Variants in LDLRAD4 observed in about 807,000 individuals in gnomAD.
The protein encoded by LDLRAD4 is low density lipoprotein receptor class A domain containing 4.
A neutral mutation model predicts 17.0 loss-of-function variants in LDLRAD4; 5 were observed. That is an observed-to-expected ratio of 0.29 (90% CI 0.15 to 0.62). The LOEUF is 0.62. LDLRAD4 is among the 20% of genes least tolerant of loss of function. LDLRAD4 has a pLI of 0.84. For synonymous variants in LDLRAD4, 168 were observed against 171.8 expected, an observed-to-expected ratio of 0.98 and a Z score of 0.17; for missense variants, 340 against 424.7, an observed-to-expected ratio of 0.80 and a Z score of 1.75.
intron 2 of LDLRAD4, among the ~76,000 whole-genome samples, chr18:13,410,552 T>A (rs17681958): frequency 0.46 from 70,594 of 152,088 alleles, 17,932 homozygotes; most frequent in Non-Finnish European, 0.57. Flanking sequence ...GTTTTGCTAT[T>A]GTTTACACAG....
intron 3 of LDLRAD4, among the ~76,000 whole-genome samples, chr18:13,509,775 G>A (rs898576047): frequency 2.0e-5 from 3 of 152,298 alleles, no homozygotes; most frequent in Non-Finnish European, 4.4e-5. Context: ...ACTCTTCATT[G>A]TTTTCTTATT....
intron 3 of LDLRAD4, chr18:13,564,928 G>A (rs1430275439): frequency 6.6e-6 from 1 of 152,264 alleles, no homozygotes; most frequent in African/African-American, 2.4e-5. Context: ...GAAAAAAACA[G>A]ACATTAAAAG....
At chr18:13,512,585 TAGTTCAC>T (rs1269092462) in intron 3 of LDLRAD4, among the ~76,000 whole-genome samples, 2 of 152,240 alleles carry the variant, frequency 1.3e-5, no homozygotes, top group African/African-American at 4.8e-5. Context: ...TAATTTTATG[TAGTTCAC>T]AGTTCCTAGG....
At chr18:13,384,295 AT>A (rs1193625327) in intron 1 of LDLRAD4, among the ~76,000 whole-genome samples, 21 of 152,360 alleles carry the variant, frequency 1.4e-4, no homozygotes, top group African/African-American at 4.8e-4. Flanking sequence ...ATTTTGACAA[AT>A]AATAACTGCA....
chr18:13,645,403 A>G lies in LDLRAD4; in HGVS notation c.667A>G (p.Met223Val), dbSNP rs1449855419. 1.2e-6 allele frequency: 2 copies of G among 1,614,188 alleles called. No individual in the cohort carries two copies. Residue 223 changes from methionine to valine, a missense_variant, in exon 6 of 6, where the codon ATG (methionine) becomes GTG (valine). Transcript: ENST00000359446. This position sits in a 1 kb window ranked among gnomAD's most constrained non-coding sequence, Gnocchi z 5.7. ...TGACAGTGATTTAATAGACATTGCT[A>G]TGTATAGCGGGGGTCCATGCCCACC...
intron 2 of LDLRAD4, among the ~76,000 whole-genome samples, chr18:13,411,050 A>G (rs2088288749): frequency 6.6e-6 from 1 of 152,212 alleles, no homozygotes; most frequent in Non-Finnish European, 1.5e-5. Flanking sequence ...CAGGAGTTTA[A>G]GACCAGCCTG....
At chr18:13,307,026 A>G (rs1270339170) in intron 1 of LDLRAD4, among the ~76,000 whole-genome samples, 2 of 152,236 alleles carry the variant, frequency 1.3e-5, no homozygotes, top group African/African-American at 4.8e-5. Context: ...ACAGTCTGGC[A>G]GAAGGGTTCC....
chr18:13,383,551 G>A (rs906167165), intron 1 of LDLRAD4, among the ~76,000 whole-genome samples: 2 of 152,310 alleles, frequency 1.3e-5, no homozygotes, highest in African/African-American at 2.4e-5. Context: ...TTGGAGGGAC[G>A]GCCGGCAAGC....
chr18:13,288,460 T>G (rs2045759810), intron 1 of LDLRAD4, among the ~76,000 whole-genome samples: 1 of 152,248 alleles, frequency 6.6e-6, no homozygotes, highest in South Asian at 2.1e-4. Context: ...TAGGACCAGA[T>G]ACACAACTTT....
upstream of LDLRAD4, among the ~76,000 whole-genome samples, chr18:13,218,404 G>A (rs1051326650): frequency 2.6e-5 from 4 of 152,220 alleles, no homozygotes; most frequent in Non-Finnish European, 4.4e-5. Context: ...GGTGCCCTGG[G>A]GCGCAGGGTG....
Position 13,235,902 on chromosome 18 carries a change from G to C in LDLRAD4, c.-467+16914G>C, listed in dbSNP as rs183509694. ...AATACACCAGGACATTAAAAATAGA[G>C]GTCTTGGCATATAGTGCTAAGGATG... On this transcript the variant is annotated intron_variant, in intron 1 of 5. Coordinates refer to the LDLRAD4 transcript ENST00000399848. Among the ~76,000 whole-genome samples the C allele has an allele frequency of 1.4e-4, 21 of 152,240 alleles. No individual in the cohort carries two copies. The East Asian group carries it at 3.5e-3, about 25-fold the overall frequency.
intron 2 of LDLRAD4, among the ~76,000 whole-genome samples, chr18:13,423,039 C>T (rs1174245660): frequency 6.6e-6 from 1 of 152,208 alleles, no homozygotes; most frequent in Non-Finnish European, 1.5e-5. Flanking sequence ...TGCATTGAGC[C>T]TGGGTGAATG....
At chr18:13,222,796 C>T (rs1490862582) in intron 1 of LDLRAD4, among the ~76,000 whole-genome samples, 2 of 152,264 alleles carry the variant, frequency 1.3e-5, no homozygotes, top group Non-Finnish European at 2.9e-5. Context: ...CTGGTCCACA[C>T]TCCCGTTCTT....
intron 2 of LDLRAD4, among the ~76,000 whole-genome samples, chr18:13,417,759 A>G (rs576501063): frequency 3.9e-5 from 6 of 152,152 alleles, no homozygotes; most frequent in East Asian, 1.9e-4. Flanking sequence ...AAACTACATA[A>G]TCATGCTCCC....
chr18:13,259,814 T>C (rs1156426989), intron 1 of LDLRAD4, among the ~76,000 whole-genome samples: 4 of 152,196 alleles, frequency 2.6e-5, no homozygotes, highest in South Asian at 4.1e-4. Context: ...TCACCTGTTT[T>C]CCTTTGCTTG....
intron 1 of LDLRAD4, among the ~76,000 whole-genome samples, chr18:13,336,725 T>G (rs2082118955): frequency 6.6e-6 from 1 of 152,170 alleles, no homozygotes; most frequent in Non-Finnish European, 1.5e-5. Context: ...CTTTTCTTTT[T>G]TTCTCACTAT....
At chr18:13,244,164 C>G (rs62636871) in intron 1 of LDLRAD4, among the ~76,000 whole-genome samples, 45,731 of 119,558 alleles carry the variant, frequency 0.38, 10,598 homozygotes, top group Middle Eastern at 0.55. Context: ...CTCTATCCAT[C>G]CATTCATCCA....
At chr18:13,568,787 T>C (rs1179880997) in intron 3 of LDLRAD4, among the ~76,000 whole-genome samples, 1 of 152,092 alleles carries the variant, frequency 6.6e-6, no homozygotes, top group Non-Finnish European at 1.5e-5. Flanking sequence ...GAGTGTAGGT[T>C]TCAGGTCTTC....
At chr18:13,299,233 G>A (rs2046447651) in intron 1 of LDLRAD4, among the ~76,000 whole-genome samples, 1 of 152,230 alleles carries the variant, frequency 6.6e-6, no homozygotes, top group Non-Finnish European at 1.5e-5. Flanking sequence ...ACACATTTTA[G>A]CAAACGTAGT....
Sources: gnomAD v4.1 joint callset for allele counts (sites outside exome capture counted in the v4.1 genomes callset) on GRCh38, gnomAD v4.1.1 for gene constraint, Gnocchi (gnomAD v3.1) non-coding constraint, MANE v1.5 for transcripts, NCBI Gene and HGNC (gene_info 2026-07-23, HGNC 2026-07-21) for gene names.